CSMD3: variants seen among roughly 807,000 people sequenced by gnomAD.
CSMD3 encodes the protein CUB and Sushi multiple domains 3, also known as CUB and sushi domain-containing protein 3.
A neutral mutation model predicts 435.2 loss-of-function variants in CSMD3; 177 were observed. The ratio of observed to expected loss-of-function variants is 0.41; its 90% CI spans 0.36 to 0.46. The LOEUF is 0.46. CSMD3 is among the 20% of genes least tolerant of loss of function. The pLI, the probability that CSMD3 is intolerant of heterozygous loss-of-function variation, is 0.34. For missense variants in CSMD3, 4,265 were observed against 4,504.6 expected, an observed-to-expected ratio of 0.95 and a Z score of 1.52; for synonymous variants, 1,656 against 1,520.5, an observed-to-expected ratio of 1.09 and a Z score of -2.07.
intron 24 of CSMD3, among the ~76,000 whole-genome samples, chr8:112,570,423 C>T (rs1042127966): frequency 1.3e-5 from 2 of 152,258 alleles, no homozygotes; most frequent in African/African-American, 2.4e-5. Context: ...AACATTGAAA[C>T]GTCTGTTAAT....
rs775271742 is a variant in CSMD3 at position 112,831,441 on chromosome 8, AATTC to A, written c.1756-1656_1756-1653del. ...ATACTTGCTAGGTAATAACAGCAAA[AATTC>A]ATTTTATAACCTAGTACCATATGGT... is the stretch of plus-strand genomic sequence containing the variant. On this transcript the variant is annotated intron_variant, in intron 11 of 70. Transcript: ENST00000297405. Among the ~76,000 whole-genome samples the A allele has an allele frequency of 9.9e-5, 15 of 151,954 alleles. 1 individual carries two copies. The highest frequency in any genetic ancestry group is 2.6e-4 in the Admixed American group (4 of 15,238).
chr8:112,999,240 A>G (rs2085771147), intron 6 of CSMD3, among the ~76,000 whole-genome samples: 1 of 152,030 alleles, frequency 6.6e-6, no homozygotes, highest in Admixed American at 6.6e-5. Context: ...CAGAAAACAG[A>G]TGCAATTTTA....
intron 6 of CSMD3, among the ~76,000 whole-genome samples, chr8:113,005,142 A>T (rs2131092271): frequency 6.6e-6 from 1 of 152,018 alleles, no homozygotes; most frequent in African/African-American, 2.4e-5. Flanking sequence ...TGACTAAAAT[A>T]AACCCAAACC....
intron 4 of CSMD3, among the ~76,000 whole-genome samples, chr8:113,167,850 A>C (rs1471363597): frequency 6.6e-6 from 1 of 152,238 alleles, no homozygotes; most frequent in Non-Finnish European, 1.5e-5. Context: ...AAGAAACTAG[A>C]TCTCTATGTG....
intron 16 of CSMD3, among the ~76,000 whole-genome samples, chr8:112,668,162 A>G (rs1243919479): frequency 6.6e-6 from 1 of 152,138 alleles, no homozygotes; most frequent in East Asian, 1.9e-4. Flanking sequence ...CTAAAAAGCT[A>G]GTTTTAAAGG....
At chr8:112,405,248 C>CATATATATATATAT (rs1238563530) in intron 35 of CSMD3, among the ~76,000 whole-genome samples, 1 of 56,994 alleles carries the variant, frequency 1.8e-5, no homozygotes, top group African/African-American at 8.6e-5. Context: ...TATATATATA[C>CATATATATATATAT]ATATATATAT....
At chr8:113,170,618 T>C (rs1051232969) in intron 4 of CSMD3, among the ~76,000 whole-genome samples, 6 of 152,170 alleles carry the variant, frequency 3.9e-5, no homozygotes, top group Non-Finnish European at 8.8e-5. Flanking sequence ...GATTCTGCTA[T>C]TAAAGCAATC....
At chr8:112,312,877 G>T (rs1822118565) in intron 49 of CSMD3, among the ~76,000 whole-genome samples, 1 of 152,102 alleles carries the variant, frequency 6.6e-6, no homozygotes. Context: ...GAATCATAGT[G>T]TCAGAGTTTA....
At chr8:113,267,258 C>A (rs892688622) in intron 3 of CSMD3, among the ~76,000 whole-genome samples, 4 of 151,418 alleles carry the variant, frequency 2.6e-5, no homozygotes, top group Admixed American at 2.6e-4. Context: ...TTTCTTTTTA[C>A]AGAAAGAAAA....
At chr8:112,338,468 C>T (rs994564751) in intron 42 of CSMD3, among the ~76,000 whole-genome samples, 5 of 151,968 alleles carry the variant, frequency 3.3e-5, no homozygotes, top group African/African-American at 1.2e-4. Context: ...ATGAACAGGG[C>T]CTATTCTCAT....
At chr8:113,227,812 G>T (rs2093044671) in intron 3 of CSMD3, among the ~76,000 whole-genome samples, 1 of 151,544 alleles carries the variant, frequency 6.6e-6, no homozygotes, top group Admixed American at 6.6e-5. Flanking sequence ...CCCATCGCAG[G>T]TTCTTTGTAG....
At chr8:112,683,980 T>A (rs2075958583) in intron 15 of CSMD3, among the ~76,000 whole-genome samples, 2 of 151,648 alleles carry the variant, frequency 1.3e-5, no homozygotes, top group Non-Finnish European at 3.0e-5. Flanking sequence ...TAATATAGAG[T>A]ACCTGGTAGA....
intron 7 of CSMD3, among the ~76,000 whole-genome samples, chr8:112,963,844 TC>T (rs2084322456): frequency 1.3e-5 from 2 of 151,944 alleles, no homozygotes; most frequent in Admixed American, 1.3e-4. Flanking sequence ...TATATTCGTA[TC>T]CAATATTCCA....
chr8:112,780,440 C>T (rs1240161996), intron 13 of CSMD3, among the ~76,000 whole-genome samples: 2 of 152,184 alleles, frequency 1.3e-5, no homozygotes, highest in African/African-American at 4.8e-5. Context: ...TGACCGTCAA[C>T]ATCTGACACA....
At chr8:112,448,384 A>G (rs1815866760) in intron 32 of CSMD3, among the ~76,000 whole-genome samples, 1 of 152,182 alleles carries the variant, frequency 6.6e-6, no homozygotes, top group African/African-American at 2.4e-5. Flanking sequence ...TCCCACTCAT[A>G]GCAGGGTGAG....
At chr8:112,852,892 A>G (rs1221127161) in intron 11 of CSMD3, among the ~76,000 whole-genome samples, 1 of 150,066 alleles carries the variant, frequency 6.7e-6, no homozygotes, top group African/African-American at 2.5e-5. Context: ...ACTGTACTCC[A>G]GCCTGGGTGA....
In CSMD3 at chr8:112,786,668, C is replaced by G. The variant is rs116357352; in HGVS notation, c.1972+13494G>C. On this transcript the variant is annotated intron_variant, in intron 13 of 70. Coordinates refer to ENST00000297405, the MANE Select transcript of CSMD3 (RefSeq NM_198123.2). ...GAAAACATGTATATGATAAGGTGCTCAACATCATTGATTATTAGAGAAATG... is the reference window on the plus strand; with the variant it reads ...GAAAACATGTATATGATAAGGTGCTGAACATCATTGATTATTAGAGAAATG... 4.0e-3 allele frequency among the ~76,000 whole-genome samples: 610 copies of G among 151,998 alleles called. 3 individuals carry two copies. The highest frequency in any genetic ancestry group is 0.014 in the African/African-American group (579 of 41,452).
chr8:112,544,434 T>G (rs528487816), intron 27 of CSMD3, among the ~76,000 whole-genome samples: 1 of 152,288 alleles, frequency 6.6e-6, no homozygotes, highest in Admixed American at 6.5e-5. Context: ...GCCTATAAAA[T>G]GTAAACATGA....
chr8:112,756,527 G>C (rs1450413353), intron 13 of CSMD3, among the ~76,000 whole-genome samples: 2 of 152,044 alleles, frequency 1.3e-5, no homozygotes, highest in Non-Finnish European at 2.9e-5. Flanking sequence ...TTCCATCATG[G>C]AAGAACACTT....
Sources: gnomAD v4.1 joint callset for allele counts (sites outside exome capture counted in the v4.1 genomes callset) on GRCh38, gnomAD v4.1.1 for gene constraint, MANE v1.5 for transcripts, NCBI Gene and HGNC (gene_info 2026-07-23, HGNC 2026-07-21) for gene names.